PPARGC1B: variants seen among roughly 807,000 people sequenced by gnomAD.
PPARGC1B encodes peroxisome proliferator-activated receptor gamma coactivator 1-beta.
A neutral mutation model predicts 101.6 loss-of-function variants in PPARGC1B; 34 were observed. That is an observed-to-expected ratio of 0.33 (90% CI 0.25 to 0.45). The LOEUF is 0.45. Among genes scored for constraint, PPARGC1B ranks in the 20% least tolerant of loss-of-function variants. The pLI is 1.00. For synonymous variants in PPARGC1B, 548 were observed against 539.3 expected, an observed-to-expected ratio of 1.02 and a Z score of -0.22; for missense variants, 1,234 against 1,317.6, an observed-to-expected ratio of 0.94 and a Z score of 0.98.
chr5:149,764,889 A>C (rs1243999305), intron 1 of PPARGC1B, among the ~76,000 whole-genome samples: 1 of 152,246 alleles, frequency 6.6e-6, no homozygotes, highest in Admixed American at 6.5e-5. Context: ...TTTGATCTAG[A>C]CTGATCTCTG....
intron 1 of PPARGC1B, among the ~76,000 whole-genome samples, chr5:149,809,228 C>A: frequency 1.0e-4 from 1 of 9,908 alleles, no homozygotes; most frequent in Non-Finnish European, 2.0e-4. Context: ...AGATCCATCT[C>A]TACCATAGAT....
chr5:149,824,766 A>C (rs993715348), intron 2 of PPARGC1B, among the ~76,000 whole-genome samples: 1 of 152,160 alleles, frequency 6.6e-6, no homozygotes, highest in African/African-American at 2.4e-5. Context: ...CTAAAGCCAG[A>C]GTCCTCGGAC....
rs1759725370 is a variant in PPARGC1B, at chr5:149,850,476, C to G, written c.*2918C>G. The G allele has an allele frequency of 6.6e-6, 1 of 152,200 alleles. No individual in the cohort carries two copies. Among genetic ancestry groups the G allele is most frequent in the Non-Finnish European group, 1.5e-5 (1 of 68,052 alleles). The allele number at this position is 152,200 out of a possible 1,614,324, so 9.4% of individuals were successfully genotyped here. ...GCATCGAGTAGTCTCTACTTGCTAT[C>G]CCGTACATAAAATGCTACAAGTTCT... is the stretch of plus-strand genomic sequence containing the variant. On this transcript the variant is annotated 3_prime_UTR_variant, in exon 12 of 12. Transcript: ENST00000309241.
downstream of PPARGC1B, among the ~76,000 whole-genome samples, chr5:149,856,189 T>A (rs1283749414): frequency 6.6e-6 from 1 of 152,264 alleles, no homozygotes; most frequent in Non-Finnish European, 1.5e-5. Flanking sequence ...TTCAGGTTGC[T>A]ATTTATTACA....
At chr5:149,734,873 G>A (rs1459331069) in intron 1 of PPARGC1B, among the ~76,000 whole-genome samples, 1 of 152,130 alleles carries the variant, frequency 6.6e-6, no homozygotes, top group African/African-American at 2.4e-5. Context: ...ATATGATCAT[G>A]GGTGACTTGT....
At chr5:149,783,545 C>T (rs1215671024) in intron 1 of PPARGC1B, among the ~76,000 whole-genome samples, 3 of 152,104 alleles carry the variant, frequency 2.0e-5, no homozygotes, top group Non-Finnish European at 4.4e-5. Context: ...AGGCCAGTGC[C>T]CAGGAGATTA....
chr5:149,776,995 A>G (rs1284196755), intron 1 of PPARGC1B, among the ~76,000 whole-genome samples: 1 of 152,108 alleles, frequency 6.6e-6, no homozygotes, highest in East Asian at 1.9e-4. Flanking sequence ...GTTAATGATC[A>G]TGTCCTTGTG....
intron 1 of PPARGC1B, among the ~76,000 whole-genome samples, chr5:149,751,259 A>T (rs1262925560): frequency 6.6e-6 from 1 of 152,206 alleles, no homozygotes; most frequent in African/African-American, 2.4e-5. Flanking sequence ...TGAATATGGG[A>T]TTATCTCTTT....
intron 1 of PPARGC1B, among the ~76,000 whole-genome samples, chr5:149,762,049 G>C (rs1308333724): frequency 6.6e-6 from 1 of 152,094 alleles, no homozygotes; most frequent in African/African-American, 2.4e-5. Context: ...GCCAGACCCT[G>C]GTTCTTCTTG....
At chr5:149,781,594 C>G (rs753721800) in intron 1 of PPARGC1B, among the ~76,000 whole-genome samples, 1 of 152,244 alleles carries the variant, frequency 6.6e-6, no homozygotes, top group Non-Finnish European at 1.5e-5. Flanking sequence ...TGCTTGCCAT[C>G]ATGCTGCCGT....
intron 6 of PPARGC1B, 40 bp from the exon 7 acceptor site, chr5:149,835,261 G>A: frequency 1.2e-6 from 2 of 1,602,738 alleles, no homozygotes; most frequent in Non-Finnish European, 1.7e-6. Flanking sequence ...GCCTGCTGCT[G>A]ACTTGCTTCT....
At chr5:149,771,480 C>T (rs1046609218) in intron 1 of PPARGC1B, among the ~76,000 whole-genome samples, 1 of 152,190 alleles carries the variant, frequency 6.6e-6, no homozygotes, top group African/African-American at 2.4e-5. Context: ...GGGCAGGGCC[C>T]TGATTGCCCA....
intron 1 of PPARGC1B, among the ~76,000 whole-genome samples, chr5:149,775,483 G>T (rs1756325102): frequency 6.6e-6 from 1 of 152,134 alleles, no homozygotes; most frequent in African/African-American, 2.4e-5. Flanking sequence ...GATGGTGCAG[G>T]AGCTGAGATG....
At chr5:149,817,592 A>G (rs1050858929) in intron 1 of PPARGC1B, 2 of 385,526 alleles carry the variant, frequency 5.2e-6, no homozygotes, top group East Asian at 7.3e-5. Flanking sequence ...AAATATTTAC[A>G]TGTTTTCTTC....
chr5:149,740,912 T>C (rs1561847232), intron 1 of PPARGC1B, among the ~76,000 whole-genome samples: 1 of 152,124 alleles, frequency 6.6e-6, no homozygotes, highest in Non-Finnish European at 1.5e-5. Flanking sequence ...TTTCTGGGAG[T>C]TGGGAGTGCC....
intron 1 of PPARGC1B, among the ~76,000 whole-genome samples, chr5:149,738,717 C>T (rs560491809): frequency 2.0e-5 from 3 of 152,116 alleles, no homozygotes; most frequent in Admixed American, 6.5e-5. Context: ...CTGCCTCAGC[C>T]TCCCAAGTAG....
chr5:149,826,597 G>A (rs534972339), intron 2 of PPARGC1B, 76 bp from the exon 3 acceptor site: 45 of 1,171,146 alleles, frequency 3.8e-5, no homozygotes, highest in Middle Eastern at 3.9e-4. Context: ...GGTGTCCACC[G>A]TGGAGACTGA....
At chr5:149,777,704 C>T (rs189761850) in intron 1 of PPARGC1B, among the ~76,000 whole-genome samples, 21 of 152,086 alleles carry the variant, frequency 1.4e-4, no homozygotes, top group African/African-American at 4.8e-4. Flanking sequence ...CCTCTCTCCC[C>T]ATGAGAACCA....
At chr5:149,743,612 G>T (rs949709365) in intron 1 of PPARGC1B, among the ~76,000 whole-genome samples, 5 of 152,072 alleles carry the variant, frequency 3.3e-5, no homozygotes, top group African/African-American at 1.2e-4. Flanking sequence ...AATGCTGTTC[G>T]ATCTTTCACA....
Sources: gnomAD v4.1 joint callset for allele counts (sites outside exome capture counted in the v4.1 genomes callset) on GRCh38, gnomAD v4.1.1 for gene constraint, MANE v1.5 for transcripts, NCBI Gene and HGNC (gene_info 2026-07-23, HGNC 2026-07-21) for gene names.